STX8: variants seen among roughly 807,000 people sequenced by gnomAD.
The protein encoded by STX8 is syntaxin-8.
In STX8, 23 loss-of-function variants were observed where a neutral mutation model predicts 37.5. That is an observed-to-expected ratio of 0.61 (90% CI 0.44 to 0.87). The LOEUF (loss-of-function observed/expected upper bound fraction) is 0.87. Among genes scored for constraint, STX8 ranks in the 40% least tolerant of loss-of-function variants. The pLI is 0.00. For missense variants in STX8, 313 were observed against 284.7 expected (o/e 1.10, Z -0.71); for synonymous variants, 115 against 99.1 (o/e 1.16, Z -0.95).
At chr17:9,506,049 C>T (rs1219256442) in intron 4 of STX8, among the ~76,000 whole-genome samples, 2 of 151,348 alleles carry the variant, frequency 1.3e-5, no homozygotes, top group Non-Finnish European at 2.9e-5. Flanking sequence ...ACAGAATAAA[C>T]ACATTCTGAT....
At chr17:9,560,073 T>C (rs1484629195) in intron 2 of STX8, among the ~76,000 whole-genome samples, 2 of 150,588 alleles carry the variant, frequency 1.3e-5, no homozygotes, top group Non-Finnish European at 3.0e-5. Flanking sequence ...GAAAGATTAT[T>C]AAAAACAGTA....
intron 7 of STX8, among the ~76,000 whole-genome samples, chr17:9,253,391 CT>C (rs1906666651): frequency 6.6e-6 from 1 of 152,124 alleles, no homozygotes; most frequent in South Asian, 2.1e-4. Flanking sequence ...CCAGAAACAT[CT>C]TCAGGTTGAC....
At chr17:9,466,263 G>T (rs895614276) in intron 6 of STX8, among the ~76,000 whole-genome samples, 1 of 152,158 alleles carries the variant, frequency 6.6e-6, no homozygotes, top group Non-Finnish European at 1.5e-5. Flanking sequence ...GAGCCATCAC[G>T]CCCAGCTATT....
chr17:9,352,161 A>G (rs1398755568), intron 7 of STX8, among the ~76,000 whole-genome samples: 1 of 151,728 alleles, frequency 6.6e-6, no homozygotes, highest in Non-Finnish European at 1.5e-5. Flanking sequence ...AAAAAAAAAA[A>G]AAAAGAAAAA....
chr17:9,555,217 T>C (rs1465628387), intron 3 of STX8: 2 of 152,226 alleles, frequency 1.3e-5, no homozygotes, highest in African/African-American at 4.8e-5. Flanking sequence ...GAAGTAATTC[T>C]GGGACGACCA....
chr17:9,263,377 G>T (rs900875254), intron 7 of STX8, among the ~76,000 whole-genome samples: 1 of 151,780 alleles, frequency 6.6e-6, no homozygotes, highest in African/African-American at 2.4e-5. Flanking sequence ...CTACTTGGGA[G>T]GCTGAGGCAG....
intron 7 of STX8, among the ~76,000 whole-genome samples, chr17:9,315,175 CA>C: frequency 6.7e-6 from 1 of 148,320 alleles, no homozygotes; most frequent in South Asian, 2.2e-4. Flanking sequence ...AAACAAAAAA[CA>C]AAAAAAACCT....
At chr17:9,256,566 A>G (rs1370751617) in intron 7 of STX8, among the ~76,000 whole-genome samples, 2 of 152,178 alleles carry the variant, frequency 1.3e-5, no homozygotes, top group Non-Finnish European at 2.9e-5. Flanking sequence ...TCTCCTGCAT[A>G]TTATTTTGAA....
intron 6 of STX8, 58 bp from the exon 7 acceptor site, chr17:9,378,711 A>G (rs1041321112): frequency 7.9e-7 from 1 of 1,270,490 alleles, no homozygotes; most frequent in Non-Finnish European, 1.2e-6. Flanking sequence ...ACATCACAGT[A>G]TCACAGCTGT....
At chr17:9,416,107 G>A (rs1287300188) in intron 6 of STX8, among the ~76,000 whole-genome samples, 2 of 152,268 alleles carry the variant, frequency 1.3e-5, no homozygotes, top group Middle Eastern at 3.4e-3. Context: ...TGACGTGAAG[G>A]TTTCCTGTTA....
chr17:9,526,820 G>A (rs1184104829), intron 4 of STX8, among the ~76,000 whole-genome samples: 3 of 151,356 alleles, frequency 2.0e-5, no homozygotes, highest in Middle Eastern at 3.2e-3. Context: ...CTGACATCAC[G>A]CCATTGTACT....
intron 4 of STX8, among the ~76,000 whole-genome samples, chr17:9,533,374 G>A (rs1169732447): frequency 2.6e-5 from 4 of 152,168 alleles, no homozygotes; most frequent in Non-Finnish European, 5.9e-5. Flanking sequence ...AGCTGAGGCA[G>A]GAGAATCACT....
intron 6 of STX8, among the ~76,000 whole-genome samples, chr17:9,428,945 T>C (rs893445259): frequency 6.6e-6 from 1 of 152,102 alleles, no homozygotes; most frequent in Non-Finnish European, 1.5e-5. Flanking sequence ...GACACATAAT[T>C]GAAAGAAAAT....
At chr17:9,292,673 C>G (rs904079298) in intron 7 of STX8, among the ~76,000 whole-genome samples, 3 of 152,226 alleles carry the variant, frequency 2.0e-5, no homozygotes, top group African/African-American at 7.2e-5. Context: ...GCATTGAACC[C>G]CTTCAGCAGC....
At position 9,466,685 on chromosome 17, in the gene STX8, T is replaced by G. The variant is rs377220740; in HGVS notation, c.541+25144A>C. ...CAATATCAAAAGTGACATAGGCCTGTGTCCAATATGCCCTCTTCTCATCAA... is the reference window on the plus strand; with the variant it reads ...CAATATCAAAAGTGACATAGGCCTGGGTCCAATATGCCCTCTTCTCATCAA... On this transcript the variant is annotated intron_variant, in intron 6 of 7. Coordinates refer to ENST00000306357, the MANE Select transcript of STX8 (RefSeq NM_004853.3). Among the ~76,000 whole-genome samples the G allele has an allele frequency of 3.9e-5, 6 of 152,264 alleles. No homozygotes were observed. In the South Asian group the frequency reaches 1.0e-3, roughly 26 times the overall value.
chr17:9,322,504 A>C (rs1909608312), intron 7 of STX8, among the ~76,000 whole-genome samples: 1 of 152,174 alleles, frequency 6.6e-6, no homozygotes, highest in African/African-American at 2.4e-5. Flanking sequence ...GCACTTCCAC[A>C]GCCCAGGGGG....
At chr17:9,376,302 C>A (rs192266194) in intron 7 of STX8, among the ~76,000 whole-genome samples, 28 of 152,182 alleles carry the variant, frequency 1.8e-4, no homozygotes, top group Non-Finnish European at 3.7e-4. Flanking sequence ...TATAAACACA[C>A]CAACCAGCAT....
chr17:9,330,498 G>A (rs1909925734), intron 7 of STX8, among the ~76,000 whole-genome samples: 1 of 152,172 alleles, frequency 6.6e-6, no homozygotes, highest in Admixed American at 6.5e-5. Flanking sequence ...TCCTTGCGAT[G>A]TATGAACAGG....
intron 6 of STX8, among the ~76,000 whole-genome samples, chr17:9,398,519 A>G (rs941147535): frequency 2.0e-5 from 3 of 152,218 alleles, no homozygotes; most frequent in Admixed American, 6.5e-5. Flanking sequence ...TAGAACAGGA[A>G]AAGGACATTG....
Sources: allele counts gnomAD v4.1 joint callset (sites outside exome capture counted in the v4.1 genomes callset), GRCh38; gene constraint gnomAD v4.1.1; transcripts MANE v1.5; gene names NCBI Gene and HGNC (gene_info 2026-07-23, HGNC 2026-07-21).